Variants in SCGB2A2 observed in about 807,000 individuals in gnomAD.
SCGB2A2 encodes the protein secretoglobin family 2A member 2.
SCGB2A2 carries 11 observed loss-of-function variants against 8.8 expected under a neutral mutation model. That is an observed-to-expected ratio of 1.25 (90% CI 0.79 to 2.07). The LOEUF (loss-of-function observed/expected upper bound fraction) is 2.07. SCGB2A2 is among the 30% of genes most tolerant of loss of function. The probability of loss-of-function intolerance (pLI) is 0.00; values close to 1 mark genes in which losing one functional copy is unlikely to be tolerated. For missense variants in SCGB2A2, 113 were observed against 109.9 expected (o/e 1.03, Z -0.13); for synonymous variants, 42 against 40.9 (o/e 1.03, Z -0.10).
intron 2 of SCGB2A2, 117 bp downstream of exon 2, chr11:62,271,185 T>C (rs1385374210): frequency 3.8e-6 from 6 of 1,589,322 alleles, no homozygotes; most frequent in Non-Finnish European, 5.1e-6. Context: ...CTTACATTGG[T>C]TAATTTAGTT....
In SCGB2A2 at chr11:62,270,194, A is replaced by C; in HGVS notation, c.-23A>C. 2 of 1,613,634 alleles carry C rather than the reference A, an allele frequency of 1.2e-6. No homozygotes were observed. Among genetic ancestry groups the C allele is most frequent in the Non-Finnish European group, 1.7e-6 (2 of 1,179,746 alleles). On this transcript the variant is annotated 5_prime_UTR_variant, in exon 1 of 3. Coordinates refer to ENST00000227918, the MANE Select transcript of SCGB2A2 (RefSeq NM_002411.4). The stretch of plus-strand genomic sequence containing the variant: ...CTTGATCCTTGCCACCCGCGACTGA[A>C]CACCGACAGCAGCAGCCTCACCATG...
At chr11:62,271,781 G>A (rs987091718) in intron 2 of SCGB2A2, 29 of 985,666 alleles carry the variant, frequency 2.9e-5, no homozygotes, top group Non-Finnish European at 3.3e-5. Context: ...AATACCATTT[G>A]AGCAAGATTC....
chr11:62,271,592 GAGAC>G, intron 2 of SCGB2A2: 1 of 1,047,046 alleles, frequency 9.6e-7, no homozygotes, highest in Non-Finnish European at 1.2e-6. Context: ...CAGAAACACA[GAGAC>G]ACACACAAAC....
In SCGB2A2 at chr11:62,271,121, T is replaced by C. The variant is rs761789194; in HGVS notation, c.243+53T>C. The C allele has an allele frequency of 7.8e-5, 125 of 1,612,290 alleles. 1 individual carries two copies. The South Asian group carries it at 1.0e-3, about 13-fold the overall frequency. On this transcript the variant is annotated intron_variant, in intron 2 of 2. Transcript: ENST00000227918. ...TTTAAATCCCCTGACCAGGGACAAG[T>C]GGGCTCTTCATTTCTCACTGACAAT...
Position 62,270,200 on chromosome 11 carries a change from A to T in SCGB2A2, c.-17A>T. 1 of 1,613,780 alleles carries T rather than the reference A, an allele frequency of 6.2e-7. No individual in the cohort carries two copies. On this transcript the variant is annotated 5_prime_UTR_variant, in exon 1 of 3. Transcript: ENST00000227918. ...CCTTGCCACCCGCGACTGAACACCG[A>T]CAGCAGCAGCCTCACCATGAAGTTG...
chr11:62,272,582 G>A (rs773746772), intron 2 of SCGB2A2, among the ~76,000 whole-genome samples: 6 of 151,116 alleles, frequency 4.0e-5, no homozygotes, highest in Non-Finnish European at 8.8e-5. Flanking sequence ...GGCAGAGGGC[G>A]TCGGACTGCT....
intron 2 of SCGB2A2, chr11:62,271,494 AAGACACAGACAC>A: frequency 2.4e-6 from 3 of 1,253,698 alleles, no homozygotes; most frequent in East Asian, 3.5e-5. Flanking sequence ...CAGACAGGCA[AAGACACAGACAC>A]AGACACAGAC....
intron 2 of SCGB2A2, chr11:62,271,387 A>T: frequency 7.0e-7 from 1 of 1,431,144 alleles, no homozygotes. Context: ...TCACACAAAC[A>T]CAGAAACACA....
chr11:62,272,386 T>C (rs1590674035), intron 2 of SCGB2A2, among the ~76,000 whole-genome samples: 1 of 152,282 alleles, frequency 6.6e-6, no homozygotes. Context: ...CACACGAATA[T>C]ACAGAACACT....
intron 2 of SCGB2A2, chr11:62,271,626 C>G: frequency 2.0e-6 from 2 of 1,012,410 alleles, no homozygotes; most frequent in Non-Finnish European, 2.4e-6. Flanking sequence ...CACACACATA[C>G]AAACATATGT....
chr11:62,271,845 G>A (rs1414885734), intron 2 of SCGB2A2: 2 of 984,944 alleles, frequency 2.0e-6, no homozygotes, highest in Admixed American at 6.2e-5. Flanking sequence ...ATCATAATTT[G>A]CTAGCATAAA....
rs893543102 is a variant in SCGB2A2, at chr11:62,271,639, ACT to A, written c.243+576_243+577del. On this transcript the variant is annotated intron_variant, in intron 2 of 2. Transcript: ENST00000227918. ...GACACACACATACAAACATATGTTC[ACT>A]CTCTACAGAAAAAACAATTTTCCAG... The A allele has an allele frequency of 5.0e-6, 5 of 998,856 alleles. No homozygotes were observed. In the African/African-American group the frequency reaches 8.7e-5, roughly 17 times the overall value. 61.9% of individuals were successfully genotyped at this position (998,856 alleles called of 1,614,324 possible). A position where few individuals can be genotyped will look rare whatever the true frequency, so the allele number is the denominator to read the frequency against.
rs369145886 is a variant in SCGB2A2, at chr11:62,270,870, A to T, written c.56-11A>T. 23 of 1,611,918 alleles carry T rather than the reference A, an allele frequency of 1.4e-5. No homozygotes were observed. The African/African-American group carries it at 2.9e-4, about 21-fold the overall frequency. On this transcript the variant is annotated splice_polypyrimidine_tract_variant and intron_variant, in intron 1 of 2. Coordinates refer to ENST00000227918, the MANE Select transcript of SCGB2A2 (RefSeq NM_002411.4). ...CTGTACCAAGCTTGTTTCCTTGTGC[A>T]TCCTTCCCAGGCTCTGGCTGCCCCT...
chr11:62,271,497 A>T (rs1945278789), intron 2 of SCGB2A2: 1 of 1,213,782 alleles, frequency 8.2e-7, no homozygotes, highest in South Asian at 2.5e-5. Flanking sequence ...ACAGGCAAAG[A>T]CACAGACACA....
chr11:62,272,470 A>G (rs1185377874), intron 2 of SCGB2A2, among the ~76,000 whole-genome samples: 1 of 152,164 alleles, frequency 6.6e-6, no homozygotes, highest in Non-Finnish European at 1.5e-5. Context: ...GTTAAAAACT[A>G]ATTATCAACT....
At chr11:62,272,193 A>G (rs923700354) in intron 2 of SCGB2A2, 3 of 174,362 alleles carry the variant, frequency 1.7e-5, no homozygotes, top group Middle Eastern at 2.6e-3. Flanking sequence ...AAGAGTCACA[A>G]AAACACAAAT....
intron 2 of SCGB2A2, chr11:62,271,360 C>T: frequency 7.0e-7 from 1 of 1,435,818 alleles, no homozygotes; most frequent in South Asian, 1.5e-5. Flanking sequence ...AATTCATGCT[C>T]ACAAACACAG....
chr11:62,270,770 T>C, intron 1 of SCGB2A2, 111 bp from the exon 2 acceptor site: 1 of 777,280 alleles, frequency 1.3e-6, no homozygotes, highest in Non-Finnish European at 2.0e-6. Context: ...TGCATCATTA[T>C]CTTTGAGTCT....
chr11:62,270,188 G>T lies in SCGB2A2; in HGVS notation c.-29G>T, dbSNP rs762172098. 6.2e-7 allele frequency: 1 copy of T among 1,613,158 alleles called. No homozygotes were observed. The highest frequency in any genetic ancestry group is 1.7e-5 in the Admixed American group (1 of 60,024). ...GGCTTCCTTGATCCTTGCCACCCGC[G>T]ACTGAACACCGACAGCAGCAGCCTC... On this transcript the variant is annotated 5_prime_UTR_variant, in exon 1 of 3. Coordinates refer to ENST00000227918, the MANE Select transcript of SCGB2A2 (RefSeq NM_002411.4).
Sources: gnomAD v4.1 joint callset for allele counts (sites outside exome capture counted in the v4.1 genomes callset) on GRCh38, gnomAD v4.1.1 for gene constraint, MANE v1.5 for transcripts, NCBI Gene and HGNC (gene_info 2026-07-23, HGNC 2026-07-21) for gene names.